SPAG9: variants seen among roughly 807,000 people sequenced by gnomAD.
SPAG9 encodes the protein sperm associated antigen 9, also known as C-Jun-amino-terminal kinase-interacting protein 4.
A neutral mutation model predicts 166.5 loss-of-function variants in SPAG9; 35 were observed. The ratio of observed to expected loss-of-function variants is 0.21; its 90% CI spans 0.16 to 0.28. The LOEUF is 0.28. Ranked by LOEUF, SPAG9 falls within the 10% of genes least tolerant of loss-of-function variation. The pLI is 1.00. For synonymous variants in SPAG9, 534 were observed against 565.5 expected (o/e 0.94, Z 0.79); for missense variants, 1,235 against 1,603.3 (o/e 0.77, Z 3.92).
intron 2 of SPAG9, among the ~76,000 whole-genome samples, chr17:51,074,035 G>A (rs2047898085): frequency 6.6e-6 from 1 of 152,230 alleles, no homozygotes; most frequent in South Asian, 2.1e-4. Flanking sequence ...AGGAGATCGA[G>A]ACCATCATGG....
intron 3 of SPAG9, among the ~76,000 whole-genome samples, chr17:51,055,547 A>G (rs796508277): frequency 7.2e-5 from 11 of 152,216 alleles, no homozygotes; most frequent in African/African-American, 2.6e-4. Context: ...AAACAACAAC[A>G]TAGTTTCTAC....
chr17:51,006,966 A>C (rs1400554601), intron 10 of SPAG9, among the ~76,000 whole-genome samples: 1 of 152,208 alleles, frequency 6.6e-6, no homozygotes, highest in Non-Finnish European at 1.5e-5. Context: ...GGGAGCAAAA[A>C]AAGTGTAAAA....
chr17:51,074,293 T>C (rs1209032046), intron 2 of SPAG9, among the ~76,000 whole-genome samples: 2 of 148,118 alleles, frequency 1.4e-5, no homozygotes, highest in African/African-American at 2.5e-5. Context: ...AGCATGGTGG[T>C]GCACGCCTGT....
intron 6 of SPAG9, among the ~76,000 whole-genome samples, chr17:51,030,470 T>A (rs1269657449): frequency 6.6e-6 from 1 of 152,190 alleles, no homozygotes; most frequent in East Asian, 1.9e-4. Flanking sequence ...AATATACTTT[T>A]ATACCTACAT....
intron 2 of SPAG9, among the ~76,000 whole-genome samples, chr17:51,077,029 T>TCTATCTAGCTATCTAGCTAG (rs2048009978): frequency 1.5e-5 from 1 of 65,274 alleles, no homozygotes; most frequent in South Asian, 4.2e-4. Context: ...TATCTAGCTA[T>TCTATCTAGCTATCTAGCTAG]CTATCTAGCT....
intron 2 of SPAG9, among the ~76,000 whole-genome samples, chr17:51,075,765 A>G (rs764390158): frequency 6.6e-6 from 1 of 152,104 alleles, no homozygotes; most frequent in Non-Finnish European, 1.5e-5. Flanking sequence ...TCAAGGATAC[A>G]GTGAGCTATG....
intron 1 of SPAG9, among the ~76,000 whole-genome samples, chr17:51,111,752 G>A (rs1228342584): frequency 6.6e-6 from 1 of 151,984 alleles, no homozygotes; most frequent in Non-Finnish European, 1.5e-5. Context: ...ACAGGCGTCC[G>A]CCACCATGCC....
chr17:51,052,201 A>C (rs2047201738), intron 3 of SPAG9, among the ~76,000 whole-genome samples: 1 of 152,238 alleles, frequency 6.6e-6, no homozygotes, highest in South Asian at 2.1e-4. Flanking sequence ...TGGAAATAAT[A>C]GTGAAAAGGT....
intron 1 of SPAG9, among the ~76,000 whole-genome samples, chr17:51,086,046 G>A (rs1056362258): frequency 7.3e-6 from 1 of 136,462 alleles, no homozygotes; most frequent in Non-Finnish European, 1.5e-5. Context: ...TCAGCTCACT[G>A]CAACCTCCAC....
intron 5 of SPAG9, among the ~76,000 whole-genome samples, chr17:51,037,863 C>G (rs2046680483): frequency 6.6e-6 from 1 of 151,466 alleles, no homozygotes; most frequent in African/African-American, 2.4e-5. Flanking sequence ...ACCTGTCCAG[C>G]CTATAGCACT....
chr17:51,085,964 T>C (rs1467807943), intron 1 of SPAG9, among the ~76,000 whole-genome samples: 13 of 139,842 alleles, frequency 9.3e-5, no homozygotes, highest in Admixed American at 9.3e-4. Flanking sequence ...AAATCATTTT[T>C]TTTTTTTTTT....
chr17:51,109,866 C>A (rs1310426529), intron 1 of SPAG9, among the ~76,000 whole-genome samples: 1 of 152,024 alleles, frequency 6.6e-6, no homozygotes, highest in African/African-American at 2.4e-5. Context: ...CACACACCAC[C>A]ACACCACGCT....
intron 4 of SPAG9, chr17:51,046,547 A>G: frequency 6.5e-7 from 1 of 1,536,226 alleles, no homozygotes; most frequent in Non-Finnish European, 8.7e-7. Flanking sequence ...CACCGGTAGA[A>G]ATAGAAAAGT....
chr17:51,113,673 C>A (rs2049192623), intron 1 of SPAG9, among the ~76,000 whole-genome samples: 1 of 116,752 alleles, frequency 8.6e-6, no homozygotes, highest in Non-Finnish European at 1.9e-5. Context: ...AAGCAAGACC[C>A]CATCTCAAAA....
At chr17:51,005,308 T>C in intron 11 of SPAG9, 45 bp from the exon 12 acceptor site, 6 of 1,512,188 alleles carry the variant, frequency 4.0e-6, no homozygotes, top group African/African-American at 1.4e-5. Flanking sequence ...TGAATTGAGC[T>C]CATCTTTTCA....
intron 5 of SPAG9, among the ~76,000 whole-genome samples, chr17:51,032,349 A>C (rs1165912087): frequency 1.3e-5 from 2 of 152,044 alleles, no homozygotes; most frequent in African/African-American, 4.8e-5. Context: ...TTTTTAGTAG[A>C]GATTTGGTAT....
In SPAG9 at chr17:51,073,597, A is replaced by T. The variant is rs558633146; in HGVS notation, c.424+5987T>A. On this transcript the variant is annotated intron_variant, in intron 2 of 29. Transcript: ENST00000262013. ...AAACCTAAGGTGGTAAAGTGAAAAA[A>T]CAGTCAAATAATTTCCCCCCAGAAA... Among the ~76,000 whole-genome samples the T allele has an allele frequency of 4.2e-4, 64 of 152,234 alleles. No homozygotes were observed. In the South Asian group the frequency reaches 0.013, roughly 30 times the overall value.
chr17:51,015,862 A>T (rs1235837280), intron 8 of SPAG9, among the ~76,000 whole-genome samples: 1 of 152,160 alleles, frequency 6.6e-6, no homozygotes, highest in African/African-American at 2.4e-5. Context: ...AGAGCAGAAG[A>T]AACAACAATA....
intron 3 of SPAG9, among the ~76,000 whole-genome samples, chr17:51,055,094 T>A (rs1359292863): frequency 6.6e-6 from 1 of 152,124 alleles, no homozygotes; most frequent in African/African-American, 2.4e-5. Flanking sequence ...ACACGTGTAA[T>A]GCCAGCACTT....
Sources: gnomAD v4.1 joint callset for allele counts (sites outside exome capture counted in the v4.1 genomes callset) on GRCh38, gnomAD v4.1.1 for gene constraint, MANE v1.5 for transcripts, NCBI Gene and HGNC (gene_info 2026-07-23, HGNC 2026-07-21) for gene names.